NDRG1: variants seen among roughly 807,000 people sequenced by gnomAD.
NDRG1 encodes N-myc downstream regulated 1.
Under a neutral mutation model 56.9 loss-of-function variants are expected in NDRG1, and 32 were observed. That is an observed-to-expected ratio of 0.56 (90% CI 0.42 to 0.76). NDRG1 has a LOEUF of 0.76. Ranked by LOEUF, NDRG1 falls within the 30% of genes least tolerant of loss-of-function variation. The pLI is 0.00. For missense variants in NDRG1, 507 were observed against 545.7 expected (o/e 0.93, Z 0.71); for synonymous variants, 211 against 204.1 (o/e 1.03, Z -0.29).
chr8:133,264,595 T>C lies in NDRG1; in HGVS notation c.157A>G (p.Lys53Glu). ...SVHVTLCGTP[K>E]GNRPVILTYH... ...GTGAGGATGACAGGCCGGTTTCCCT[T>C]GGGAGTCCCACACAGCGTGACGTGA... is the stretch of plus-strand genomic sequence containing the variant. The change falls in exon 4 of 16, where the codon AAG (lysine) becomes GAG (glutamate). Residue 53 changes from lysine to glutamate, a missense_variant. Lys to Glu is a moderately conservative substitution (Grantham distance 56). Coordinates refer to ENST00000323851, the MANE Select transcript of NDRG1 (RefSeq NM_006096.4). 1 of 1,614,220 alleles carries C rather than the reference T, an allele frequency of 6.2e-7. No homozygotes were observed. Among genetic ancestry groups the C allele is most frequent in the Non-Finnish European group, 8.5e-7 (1 of 1,180,036 alleles).
chr8:133,264,377 C>T (rs1328792656), intron 4 of NDRG1, among the ~76,000 whole-genome samples, 170 bp downstream of exon 4: 3 of 152,256 alleles, frequency 2.0e-5, no homozygotes, highest in Non-Finnish European at 2.9e-5. Context: ...CCACATGCAG[C>T]GCATTTCTGG....
At chr8:133,239,378 G>T in intron 15 of NDRG1, 1 of 609,750 alleles carries the variant, frequency 1.6e-6, no homozygotes, top group South Asian at 2.0e-5. Flanking sequence ...CCCCAATTCT[G>T]CCACCTGTTA....
At chr8:133,281,038 C>G (rs1307497409) in intron 2 of NDRG1, 1 of 152,228 alleles carries the variant, frequency 6.6e-6, no homozygotes, top group Non-Finnish European at 1.5e-5. Context: ...GTGGAGACCT[C>G]TAAGCATTTC....
At chr8:133,259,993 C>T (rs966827467) in intron 5 of NDRG1, among the ~76,000 whole-genome samples, 15 of 152,252 alleles carry the variant, frequency 9.9e-5, no homozygotes, top group Admixed American at 3.3e-4. Context: ...AGAAAGAGCC[C>T]GTATGGTGTG....
intron 5 of NDRG1, among the ~76,000 whole-genome samples, chr8:133,260,007 C>T (rs1856583618): frequency 6.6e-6 from 1 of 152,184 alleles, no homozygotes; most frequent in African/African-American, 2.4e-5. Flanking sequence ...TGGTGTGGCT[C>T]CACATCAACA....
intron 2 of NDRG1, among the ~76,000 whole-genome samples, chr8:133,281,250 G>A (rs537634985): frequency 5.3e-4 from 81 of 152,028 alleles, no homozygotes; most frequent in Non-Finnish European, 9.4e-4. Flanking sequence ...CCAGCTACTC[G>A]GGAGGCTAAG....
intron 1 of NDRG1, among the ~76,000 whole-genome samples, chr8:133,289,090 GT>G (rs1217234463): frequency 1.3e-5 from 2 of 152,108 alleles, no homozygotes; most frequent in Non-Finnish European, 2.9e-5. Context: ...TATTCATCTT[GT>G]TTTTTAGAGA....
intron 3 of NDRG1, among the ~76,000 whole-genome samples, chr8:133,273,608 C>A (rs149754223): frequency 6.6e-6 from 1 of 152,202 alleles, no homozygotes; most frequent in Admixed American, 6.5e-5. Context: ...CCAGCCATTA[C>A]GACTTCCATG....
chr8:133,272,799 G>A lies in NDRG1; in HGVS notation c.99+7433C>T, dbSNP rs192763135. ...TGCTAGGAAGTAGGGCTGGGGGAGG[G>A]CGAGAATGGGAAATGGTGAGTTTAG... On this transcript the variant is annotated intron_variant, in intron 3 of 15. Transcript: ENST00000323851. Among the ~76,000 whole-genome samples the A allele has an allele frequency of 3.9e-5, 6 of 152,314 alleles. No homozygotes were observed. The East Asian group carries it at 9.6e-4, about 24-fold the overall frequency.
intron 3 of NDRG1, among the ~76,000 whole-genome samples, chr8:133,270,426 T>C (rs1410878420): frequency 6.6e-6 from 1 of 152,228 alleles, no homozygotes. Flanking sequence ...GCAAAGTGCC[T>C]GATAAAGTGG....
chr8:133,238,937 G>T lies in NDRG1; in HGVS notation c.1126C>A (p.Pro376Thr). Reference protein sequence around the residue: ...TSEGAHLDITPNSGAAGNSAG... With the variant: ...TSEGAHLDITTNSGAAGNSAG... ...CTGTTCCCAGCAGCACCCGAGTTGG[G>T]GGTGATGTCCAGGTGGGCCCCCTCG... Residue 376 changes from proline to threonine, a missense_variant, in exon 16 of 16, where the codon CCC becomes ACC. Physicochemically the swap from Pro to Thr is conservative, Grantham distance 38. Transcript: ENST00000323851. The T allele has an allele frequency of 6.4e-7, 1 of 1,570,736 alleles. No individual in the cohort carries two copies. Among genetic ancestry groups the T allele is most frequent in the South Asian group, 1.2e-5 (1 of 85,566 alleles).
chr8:133,249,678 C>T (rs192761081), intron 10 of NDRG1, among the ~76,000 whole-genome samples: 32 of 152,292 alleles, frequency 2.1e-4, no homozygotes, highest in Admixed American at 1.8e-3. Context: ...ACCGCACTGC[C>T]AGGTTTCGGT....
intron 3 of NDRG1, among the ~76,000 whole-genome samples, chr8:133,266,225 C>T (rs1309832292): frequency 2.0e-5 from 3 of 152,246 alleles, no homozygotes; most frequent in Non-Finnish European, 4.4e-5. Flanking sequence ...ACTTGACCCG[C>T]CCGCAAGCGG....
intron 3 of NDRG1, among the ~76,000 whole-genome samples, 165 bp downstream of exon 3, chr8:133,280,067 T>A (rs887727150): frequency 1.3e-5 from 2 of 152,192 alleles, no homozygotes; most frequent in Non-Finnish European, 2.9e-5. Context: ...CAAGTCAGCT[T>A]CTGTCTGGGA....
intron 1 of NDRG1, chr8:133,296,600 C>T: frequency 2.2e-6 from 1 of 454,504 alleles, no homozygotes. Context: ...CAGACACACC[C>T]ACGCCCCCCT....
intron 6 of NDRG1, 140 bp downstream of exon 6, chr8:133,259,027 AG>A: frequency 1.2e-6 from 1 of 834,074 alleles, no homozygotes; most frequent in Non-Finnish European, 2.1e-6. Flanking sequence ...GTGTTCACAG[AG>A]TGACGAGCTA....
At chr8:133,271,695 A>C (rs1467269223) in intron 3 of NDRG1, among the ~76,000 whole-genome samples, 1 of 147,802 alleles carries the variant, frequency 6.8e-6, no homozygotes, top group African/African-American at 2.5e-5. Context: ...TAGGAGGATC[A>C]CTTGAGCCCA....
chr8:133,247,830 T>G (rs769962706), intron 12 of NDRG1, 45 bp downstream of exon 12: 2 of 1,604,020 alleles, frequency 1.2e-6, no homozygotes, highest in Admixed American at 3.3e-5. Context: ...AACCAGACTT[T>G]GCCTGTTGAA....
chr8:133,243,648 T>C (rs1855504205), intron 14 of NDRG1, among the ~76,000 whole-genome samples: 2 of 152,138 alleles, frequency 1.3e-5, no homozygotes. Context: ...CAGGGTTACA[T>C]CTGTTCTCAT....
Sources: gnomAD v4.1 joint callset for allele counts (sites outside exome capture counted in the v4.1 genomes callset) on GRCh38, gnomAD v4.1.1 for gene constraint, MANE v1.5 for transcripts, NCBI Gene and HGNC (gene_info 2026-07-23, HGNC 2026-07-21) for gene names.